The following ANO3 variants were observed in gnomAD, a reference collection of about 807,000 sequenced individuals.
ANO3 encodes anoctamin-3.
Under a neutral mutation model 144.8 loss-of-function variants are expected in ANO3, and 99 were observed. That is an observed-to-expected ratio of 0.68 (90% CI 0.58 to 0.81). The LOEUF (loss-of-function observed/expected upper bound fraction) is 0.81. ANO3 is among the 30% of genes least tolerant of loss of function. The pLI, the probability that ANO3 is intolerant of heterozygous loss-of-function variation, is 0.00. For synonymous variants in ANO3, 414 were observed against 392.6 expected, an observed-to-expected ratio of 1.05 and a Z score of -0.64; for missense variants, 905 against 1,202.2, an observed-to-expected ratio of 0.75 and a Z score of 3.66.
At chr11:26,631,734 G>A (rs1309890804) in intron 18 of ANO3, among the ~76,000 whole-genome samples, 1 of 152,024 alleles carries the variant, frequency 6.6e-6, no homozygotes, top group African/African-American at 2.4e-5. Flanking sequence ...GGAAACTAGA[G>A]GCAAAGAGGA....
intron 1 of ANO3, among the ~76,000 whole-genome samples, chr11:26,396,158 C>T (rs1279804422): frequency 6.6e-6 from 1 of 152,132 alleles, no homozygotes; most frequent in Non-Finnish European, 1.5e-5. Flanking sequence ...CAAAAGAAGA[C>T]ATTTATGCAG....
intron 1 of ANO3, among the ~76,000 whole-genome samples, chr11:26,431,163 T>C (rs957710509): frequency 1.3e-5 from 2 of 152,266 alleles, no homozygotes; most frequent in African/African-American, 2.4e-5. Flanking sequence ...AAAGACCTTA[T>C]GTGACTGATT....
At chr11:26,499,307 A>G (rs1861093163) in intron 4 of ANO3, among the ~76,000 whole-genome samples, 1 of 151,714 alleles carries the variant, frequency 6.6e-6, no homozygotes, top group Admixed American at 6.6e-5. Flanking sequence ...AATTGCATGT[A>G]CCAGCTTTTT....
chr11:26,607,414 TCC>T (rs1851967068), intron 17 of ANO3, among the ~76,000 whole-genome samples: 1 of 152,202 alleles, frequency 6.6e-6, no homozygotes, highest in Admixed American at 6.5e-5. Flanking sequence ...AAGTGTGTTT[TCC>T]AGCTTGTTCC....
intron 4 of ANO3, among the ~76,000 whole-genome samples, chr11:26,491,233 T>C (rs1050253836): frequency 1.3e-5 from 2 of 152,308 alleles, no homozygotes; most frequent in Admixed American, 1.3e-4. Context: ...TGAGCAGTTA[T>C]GATTTTAAGG....
At chr11:26,510,601 A>G (rs1018230677) in intron 5 of ANO3, among the ~76,000 whole-genome samples, 1 of 152,198 alleles carries the variant, frequency 6.6e-6, no homozygotes, top group Non-Finnish European at 1.5e-5. Context: ...CAAACTATTT[A>G]TTCATTCAGC....
In ANO3 at chr11:26,525,648, T is replaced by C; in HGVS notation, c.706T>C (p.Tyr236His). The part of the protein sequence containing the change: ...IRMPFRKKCY[Y>H]TDGRSKSMGR... Reference sequence around the variant, plus strand: ...TTATTTTTTCAGGAAAAAATGCTATTACACTGACGGGAGGAGCAAATCAAT... The same window carrying C: ...TTATTTTTTCAGGAAAAAATGCTATCACACTGACGGGAGGAGCAAATCAAT... The change falls in exon 7 of 27, where the codon TAC becomes CAC. Residue 236 changes from tyrosine to histidine, a missense_variant. Tyr to His is a moderately conservative substitution (Grantham distance 83). Around this residue, in one of 4 missense-constraint regions of ANO3, gnomAD observed 71 missense variants for 57.9 expected, o/e 1.23. Transcript: ENST00000256737. 1 of 1,611,130 alleles carries C rather than the reference T, an allele frequency of 6.2e-7. No homozygotes were observed. Among genetic ancestry groups the C allele is most frequent in the Non-Finnish European group, 8.5e-7 (1 of 1,178,690 alleles).
intron 1 of ANO3, among the ~76,000 whole-genome samples, chr11:26,388,864 C>T (rs1338269452): frequency 6.6e-6 from 1 of 151,944 alleles, no homozygotes; most frequent in Admixed American, 6.6e-5. Flanking sequence ...ATACACACAC[C>T]CTAAATCCCT....
intron 3 of ANO3, among the ~76,000 whole-genome samples, chr11:26,450,426 C>A (rs962717017): frequency 6.6e-6 from 1 of 152,160 alleles, no homozygotes; most frequent in African/African-American, 2.4e-5. Flanking sequence ...GAGAAGCAGG[C>A]TAACAAAGGA....
intron 22 of ANO3, 32 bp downstream of exon 22, chr11:26,642,061 C>A (rs752761741): frequency 1.3e-6 from 2 of 1,591,628 alleles, no homozygotes; most frequent in South Asian, 1.1e-5. Context: ...GACTATTTGG[C>A]CTTCTTGATA....
intron 3 of ANO3, among the ~76,000 whole-genome samples, chr11:26,448,712 C>T (rs536317573): frequency 1.3e-4 from 19 of 146,374 alleles, no homozygotes; most frequent in East Asian, 1.2e-3. Context: ...GAGGGAATTA[C>T]ACTGAAGGAA....
chr11:26,434,108 C>T (rs930251377), intron 1 of ANO3, among the ~76,000 whole-genome samples: 2 of 151,828 alleles, frequency 1.3e-5, no homozygotes, highest in Non-Finnish European at 2.9e-5. Context: ...TCTGTTGATG[C>T]AGGTCTGTTC....
intron 14 of ANO3, among the ~76,000 whole-genome samples, chr11:26,579,667 T>C (rs1851078796): frequency 6.6e-6 from 1 of 152,220 alleles, no homozygotes; most frequent in Admixed American, 6.6e-5. Flanking sequence ...ATTTTCTATT[T>C]ATCTGCCTCA....
intron 1 of ANO3, among the ~76,000 whole-genome samples, chr11:26,218,252 G>A (rs575230617): frequency 2.0e-5 from 3 of 152,194 alleles, no homozygotes; most frequent in Non-Finnish European, 2.9e-5. Flanking sequence ...ACCCTGGAAT[G>A]AAGAATGACC....
intron 1 of ANO3, among the ~76,000 whole-genome samples, chr11:26,366,948 T>C (rs377313685): frequency 9.9e-5 from 15 of 152,002 alleles, no homozygotes; most frequent in African/African-American, 3.6e-4. Context: ...TCAGAAATAA[T>C]ACCAAACATC....
At chr11:26,193,244 C>T (rs1413502520) in intron 1 of ANO3, among the ~76,000 whole-genome samples, 3 of 149,908 alleles carry the variant, frequency 2.0e-5, no homozygotes, top group South Asian at 2.1e-4. Context: ...CGGGTTCAAG[C>T]GATTATCCTG....
intron 1 of ANO3, among the ~76,000 whole-genome samples, chr11:26,441,262 C>T (rs925612894): frequency 2.0e-5 from 3 of 150,074 alleles, no homozygotes; most frequent in Non-Finnish European, 4.5e-5. Context: ...GGACTACAGG[C>T]GCCCGCCACT....
At chr11:26,311,670 A>G (rs1387338853) in intron 1 of ANO3, among the ~76,000 whole-genome samples, 1 of 152,162 alleles carries the variant, frequency 6.6e-6, no homozygotes, top group African/African-American at 2.4e-5. Context: ...AGAGGTCCTT[A>G]GTTTTATTGA....
chr11:26,639,644 A>G lies in ANO3; in HGVS notation c.2141+403A>G, dbSNP rs148872739. On this transcript the variant is annotated intron_variant, in intron 21 of 26. Transcript: ENST00000256737. The stretch of plus-strand genomic sequence containing the variant: ...AATAAAGACAGCCTTCATTCCTCCC[A>G]AAAGAATAAAGCAAAGATCAAATCC... Among the ~76,000 whole-genome samples, 346 of 152,302 alleles carry G rather than the reference A, an allele frequency of 2.3e-3. 4 individuals carry two copies. Among genetic ancestry groups the G allele is most frequent in the Middle Eastern group, 0.017 (5 of 294 alleles).
Sources: gnomAD v4.1 joint callset for allele counts (sites outside exome capture counted in the v4.1 genomes callset) on GRCh38, gnomAD v4.1.1 for gene constraint, gnomAD v4.1.1 regional missense constraint, MANE v1.5 for transcripts, NCBI Gene and HGNC (gene_info 2026-07-23, HGNC 2026-07-21) for gene names.